Variants in ZNF565 observed in about 807,000 individuals in gnomAD.
ZNF565 encodes the protein zinc finger protein 565.
A neutral mutation model predicts 39.4 loss-of-function variants in ZNF565; 27 were observed. The ratio of observed to expected loss-of-function variants is 0.69; its 90% CI spans 0.51 to 0.95. ZNF565 has a LOEUF of 0.95. Ranked by LOEUF, ZNF565 falls within the 40% of genes least tolerant of loss-of-function variation. The pLI is 0.00. For missense variants in ZNF565, 524 were observed against 621.1 expected (o/e 0.84, Z 1.66); for synonymous variants, 185 against 216.6 (o/e 0.85, Z 1.28).
At chr19:36,236,112 C>T (rs868752424) in intron 1 of ZNF565, 4 of 232,142 alleles carry the variant, frequency 1.7e-5, no homozygotes, top group South Asian at 1.1e-4. Context: ...GAAGAGAAAC[C>T]CTGTGCTTCT....
chr19:36,188,387 A>G (rs1178170363), intron 4 of ZNF565, among the ~76,000 whole-genome samples: 2 of 151,596 alleles, frequency 1.3e-5, no homozygotes, highest in African/African-American at 4.8e-5. Flanking sequence ...AGAGAAAAAA[A>G]AATTAAAAAC....
At chr19:36,225,147 G>A (rs1404349220) in intron 1 of ZNF565, among the ~76,000 whole-genome samples, 1 of 152,136 alleles carries the variant, frequency 6.6e-6, no homozygotes, top group Non-Finnish European at 1.5e-5. Flanking sequence ...TACAGATTAT[G>A]ATTATATAAA....
In ZNF565 at chr19:36,190,576, CA is replaced by C. The variant is rs899072480; in HGVS notation, c.232+3656del. Reference sequence around the variant, plus strand: ...GGACAACAAGGGCGAAACTCCATCTCAAAAAAAAAAAATTAAAAAAAAAAAA... The same window carrying C: ...GGACAACAAGGGCGAAACTCCATCTCAAAAAAAAAAATTAAAAAAAAAAAA... On this transcript the variant is annotated intron_variant, in intron 4 of 4. Transcript: ENST00000304116. 7.9e-4 allele frequency among the ~76,000 whole-genome samples: 77 copies of C among 97,312 alleles called. No individual in the cohort carries two copies. In the South Asian group the frequency reaches 0.01, roughly 13 times the overall value. 63.8% of individuals were successfully genotyped at this position (97,312 alleles called of 152,430 possible). A position where few individuals can be genotyped will look rare whatever the true frequency, so the allele number is the denominator to read the frequency against.
intron 1 of ZNF565, among the ~76,000 whole-genome samples, chr19:36,244,323 G>A (rs1192633860): frequency 1.3e-5 from 2 of 151,988 alleles, no homozygotes; most frequent in Non-Finnish European, 1.5e-5. Flanking sequence ...AGGCCGAGGC[G>A]AGCGAATCAG....
At position 36,205,106 on chromosome 19, in the gene ZNF565, A is replaced by G. The variant is rs558763777; in HGVS notation, c.-65-3056T>C. Among the ~76,000 whole-genome samples, 3 of 152,290 alleles carry G rather than the reference A, an allele frequency of 2.0e-5. No individual in the cohort carries two copies. The East Asian group carries it at 5.8e-4, about 29-fold the overall frequency. ...CCACAGTGTCTGGAGGACATAGGTG[A>G]CCAATAAATACAGGCTGATGCATAA... On this transcript the variant is annotated intron_variant, in intron 1 of 4. Coordinates refer to ENST00000304116, the MANE Select transcript of ZNF565 (RefSeq NM_152477.5).
chr19:36,228,602 G>A (rs527839063), intron 1 of ZNF565: 4 of 152,362 alleles, frequency 2.6e-5, no homozygotes, highest in Non-Finnish European at 5.9e-5. Flanking sequence ...CACTAAGGCA[G>A]AAGGTCATTA....
At chr19:36,197,163 T>G (rs932895109) in intron 2 of ZNF565, among the ~76,000 whole-genome samples, 24 of 152,162 alleles carry the variant, frequency 1.6e-4, no homozygotes, top group African/African-American at 5.3e-4. Context: ...TCCCAGCTAC[T>G]TGGGAGGCTG....
At position 36,183,528 on chromosome 19, in the gene ZNF565, G is replaced by T; in HGVS notation, c.438C>A (p.Pro146=). The T allele has an allele frequency of 6.2e-7, 1 of 1,614,182 alleles. No individual in the cohort carries two copies. The highest frequency in any genetic ancestry group is 8.5e-7 in the Non-Finnish European group (1 of 1,180,030). The part of the protein sequence containing the change: ...KQVNVTYGHM[P]VFQHHTSHTV... Reference sequence around the variant, plus strand: ...TGTGAGACGTGTGATGCTGGAACACGGGCATATGTCCATAGGTGACGTTCA... The same window carrying T: ...TGTGAGACGTGTGATGCTGGAACACTGGCATATGTCCATAGGTGACGTTCA... Residue 146 remains proline (P), a synonymous_variant, in exon 5 of 5, where the codon CCC becomes CCA. Coordinates refer to ENST00000304116, the MANE Select transcript of ZNF565 (RefSeq NM_152477.5).
chr19:36,245,371 G>A lies in ZNF565; in HGVS notation c.55+105C>T. The A allele has an allele frequency of 4.3e-6, 3 of 689,766 alleles. No homozygotes were observed. Among genetic ancestry groups the A allele is most frequent in the Non-Finnish European group, 7.9e-6 (3 of 378,296 alleles). The allele number at this position is 689,766 out of a possible 1,614,324, so 42.7% of individuals were successfully genotyped here. On this transcript the variant is annotated intron_variant, in intron 1 of 4. Coordinates refer to the ZNF565 transcript ENST00000355114. This position sits in a 1 kb window ranked among gnomAD's most constrained non-coding sequence, Gnocchi z 4.4. The stretch of plus-strand genomic sequence containing the variant: ...TTCTAGGGTCTGATCTGGCGGGCTC[G>A]AAGGGAGGACAGTCACTGCGACCCG...
At chr19:36,236,639 A>G (rs1455376995) in intron 1 of ZNF565, 4 of 1,614,044 alleles carry the variant, frequency 2.5e-6, no homozygotes, top group Admixed American at 1.7e-5. Flanking sequence ...GAACACCCAT[A>G]CTGGCGAGAA....
intron 4 of ZNF565, among the ~76,000 whole-genome samples, chr19:36,188,483 G>T (rs567063404): frequency 1.3e-5 from 2 of 151,914 alleles, no homozygotes; most frequent in South Asian, 4.2e-4. Flanking sequence ...AGGCTGAGGC[G>T]TGCAGGTCAG....
intron 1 of ZNF565, among the ~76,000 whole-genome samples, chr19:36,244,327 G>A (rs1392948305): frequency 6.6e-6 from 1 of 151,912 alleles, no homozygotes; most frequent in East Asian, 1.9e-4. Context: ...CGAGGCGAGC[G>A]AATCAGTTGT....
intron 1 of ZNF565, among the ~76,000 whole-genome samples, chr19:36,241,998 A>G (rs562948147): frequency 6.6e-6 from 1 of 152,248 alleles, no homozygotes; most frequent in East Asian, 1.9e-4. Context: ...ATAATACCAA[A>G]GTATAAGCAG....
At chr19:36,187,316 T>C (rs924025311) in intron 4 of ZNF565, among the ~76,000 whole-genome samples, 25 of 152,014 alleles carry the variant, frequency 1.6e-4, no homozygotes, top group African/African-American at 5.6e-4. Context: ...ATACACCTAA[T>C]AGCCTCCTAA....
chr19:36,229,549 T>G (rs543075540), intron 1 of ZNF565, among the ~76,000 whole-genome samples: 3 of 152,322 alleles, frequency 2.0e-5, no homozygotes, highest in African/African-American at 7.2e-5. Context: ...GCGTGTCACG[T>G]ATATCCTTCT....
At chr19:36,239,943 AC>A (rs1456725660) in intron 1 of ZNF565, among the ~76,000 whole-genome samples, 1 of 152,170 alleles carries the variant, frequency 6.6e-6, no homozygotes, top group African/African-American at 2.4e-5. Context: ...ACCTTAAAAA[AC>A]TCATTAAATG....
chr19:36,245,390 C>A lies in ZNF565; in HGVS notation c.55+86G>T. 2.9e-6 allele frequency: 2 copies of A among 697,056 alleles called. No homozygotes were observed. Among genetic ancestry groups the A allele is most frequent in the South Asian group, 1.5e-5 (1 of 66,910 alleles). 43.2% of individuals were successfully genotyped at this position (697,056 alleles called of 1,614,324 possible). Reference sequence around the variant, plus strand: ...GGGCTCGAAGGGAGGACAGTCACTGCGACCCGGAAAGCTCCGCGCTTACGA... The same window carrying A: ...GGGCTCGAAGGGAGGACAGTCACTGAGACCCGGAAAGCTCCGCGCTTACGA... On this transcript the variant is annotated intron_variant, in intron 1 of 4. Transcript: ENST00000355114. The surrounding 1 kb of genome is among the most constrained non-coding windows in gnomAD (Gnocchi z 4.4).
intron 1 of ZNF565, among the ~76,000 whole-genome samples, chr19:36,207,107 T>C (rs890827460): frequency 7.2e-5 from 11 of 152,148 alleles, no homozygotes; most frequent in African/African-American, 2.2e-4. Flanking sequence ...GGATGGAACA[T>C]GCGAGACGAA....
chr19:36,202,414 A>C (rs1445780906), intron 1 of ZNF565, among the ~76,000 whole-genome samples: 1 of 152,058 alleles, frequency 6.6e-6, no homozygotes, highest in East Asian at 1.9e-4. Flanking sequence ...AACAAAAAAA[A>C]ACTGCAGAGT....
Sources: gnomAD v4.1 joint callset for allele counts (sites outside exome capture counted in the v4.1 genomes callset) on GRCh38, gnomAD v4.1.1 for gene constraint, Gnocchi (gnomAD v3.1) non-coding constraint, MANE v1.5 for transcripts, NCBI Gene and HGNC (gene_info 2026-07-23, HGNC 2026-07-21) for gene names.